The following EXOC4 variants were observed in gnomAD, a reference collection of about 807,000 sequenced individuals.
EXOC4 encodes SEC8-like 1.
Under a neutral mutation model 107.2 loss-of-function variants are expected in EXOC4, and 71 were observed. The ratio of observed to expected loss-of-function variants is 0.66; its 90% CI spans 0.55 to 0.81. The LOEUF is 0.81. Ranked by LOEUF, EXOC4 falls within the 30% of genes least tolerant of loss-of-function variation. The probability of loss-of-function intolerance (pLI) is 0.00; values close to 1 mark genes in which losing one functional copy is unlikely to be tolerated. For synonymous variants in EXOC4, 456 were observed against 441.2 expected, an observed-to-expected ratio of 1.03 and a Z score of -0.42; for missense variants, 1,108 against 1,189.6, an observed-to-expected ratio of 0.93 and a Z score of 1.01.
intron 14 of EXOC4, among the ~76,000 whole-genome samples, chr7:133,950,175 C>T (rs1226569955): frequency 6.6e-6 from 1 of 152,062 alleles, no homozygotes; most frequent in Admixed American, 6.6e-5. Context: ...ATAGAACCTC[C>T]AAAAGGTGGT....
intron 7 of EXOC4, among the ~76,000 whole-genome samples, chr7:133,375,579 A>G (rs1372212454): frequency 6.6e-6 from 1 of 152,184 alleles, no homozygotes; most frequent in Non-Finnish European, 1.5e-5. Flanking sequence ...AGTATACTTT[A>G]CTTGACTGGA....
chr7:133,796,831 C>T (rs1309079592), intron 10 of EXOC4, among the ~76,000 whole-genome samples: 1 of 152,130 alleles, frequency 6.6e-6, no homozygotes, highest in Non-Finnish European at 1.5e-5. Flanking sequence ...ATCGAAGGCT[C>T]CTTCCCCAGT....
chr7:133,538,334 A>C (rs1486881529), intron 9 of EXOC4, among the ~76,000 whole-genome samples: 1 of 151,964 alleles, frequency 6.6e-6, no homozygotes, highest in Non-Finnish European at 1.5e-5. Context: ...GTTTCCCTTT[A>C]TTTGCTGTTA....
chr7:133,474,930 G>T (rs1798975592), intron 7 of EXOC4, among the ~76,000 whole-genome samples: 1 of 152,140 alleles, frequency 6.6e-6, no homozygotes, highest in African/African-American at 2.4e-5. Flanking sequence ...GGATTAGCAT[G>T]TTGCCTGCAT....
At chr7:133,453,850 C>T (rs1195474928) in intron 7 of EXOC4, among the ~76,000 whole-genome samples, 1 of 152,030 alleles carries the variant, frequency 6.6e-6, no homozygotes, top group Non-Finnish European at 1.5e-5. Flanking sequence ...AAGTGCATAA[C>T]TTTATTGTGA....
intron 17 of EXOC4, among the ~76,000 whole-genome samples, chr7:134,041,010 A>G (rs1057468882): frequency 1.8e-4 from 27 of 152,194 alleles, no homozygotes; most frequent in African/African-American, 6.0e-4. Context: ...CGAACCATGC[A>G]TTTTCCTTCC....
intron 7 of EXOC4, among the ~76,000 whole-genome samples, chr7:133,425,550 G>A (rs1341429869): frequency 2.6e-5 from 4 of 152,090 alleles, no homozygotes; most frequent in Non-Finnish European, 4.4e-5. Flanking sequence ...GCCTCCCAAA[G>A]TGCTGGGATT....
chr7:133,469,055 T>C (rs1798804863), intron 7 of EXOC4, among the ~76,000 whole-genome samples: 1 of 152,166 alleles, frequency 6.6e-6, no homozygotes, highest in African/African-American at 2.4e-5. Flanking sequence ...CAGTCTATTA[T>C]CAGACTCATC....
intron 9 of EXOC4, among the ~76,000 whole-genome samples, chr7:133,610,660 C>A (rs1802055819): frequency 6.6e-6 from 1 of 152,074 alleles, no homozygotes. Context: ...AAATCTTAAA[C>A]CTGCTTTCCT....
At chr7:133,781,747 C>T (rs758169598) in intron 10 of EXOC4, among the ~76,000 whole-genome samples, 1 of 152,186 alleles carries the variant, frequency 6.6e-6, no homozygotes, top group African/African-American at 2.4e-5. Flanking sequence ...AGTGACTCAT[C>T]ATGATCACTG....
intron 11 of EXOC4, among the ~76,000 whole-genome samples, chr7:133,843,099 T>C (rs1383920302): frequency 6.6e-6 from 1 of 152,248 alleles, no homozygotes; most frequent in Non-Finnish European, 1.5e-5. Flanking sequence ...TTGGGTATTG[T>C]GATGCCTCCA....
chr7:133,607,107 T>G (rs545194041), intron 9 of EXOC4, among the ~76,000 whole-genome samples: 49 of 152,326 alleles, frequency 3.2e-4, no homozygotes, highest in Non-Finnish European at 6.5e-4. Context: ...TTTACAATAG[T>G]GAGGATATGT....
chr7:133,565,576 A>T (rs1249714456), intron 9 of EXOC4, among the ~76,000 whole-genome samples: 1 of 152,208 alleles, frequency 6.6e-6, no homozygotes, highest in Non-Finnish European at 1.5e-5. Context: ...TAAAATACAG[A>T]TGCCCAATTA....
intron 10 of EXOC4, among the ~76,000 whole-genome samples, chr7:133,636,590 A>C (rs1802717995): frequency 6.6e-6 from 1 of 152,216 alleles, no homozygotes; most frequent in African/African-American, 2.4e-5. Context: ...TCTTGTAGTG[A>C]CATGGCAGAG....
intron 11 of EXOC4, among the ~76,000 whole-genome samples, chr7:133,853,846 C>T (rs1458129673): frequency 1.3e-5 from 2 of 152,212 alleles, no homozygotes; most frequent in African/African-American, 4.8e-5. Context: ...TTGCTGGTTC[C>T]TGTAAGCCGA....
At chr7:133,258,252 C>T (rs1429322800) in intron 1 of EXOC4, among the ~76,000 whole-genome samples, 3 of 152,176 alleles carry the variant, frequency 2.0e-5, no homozygotes, top group African/African-American at 7.2e-5. Context: ...GAATTAGTGT[C>T]GTGGACCCAT....
chr7:133,994,335 G>T (rs2116263046), intron 14 of EXOC4, among the ~76,000 whole-genome samples: 1 of 152,240 alleles, frequency 6.6e-6, no homozygotes, highest in South Asian at 2.1e-4. Context: ...TGGCATATAT[G>T]CACCATGCCT....
At chr7:133,994,445 C>T (rs911594065) in intron 14 of EXOC4, among the ~76,000 whole-genome samples, 1 of 152,090 alleles carries the variant, frequency 6.6e-6, no homozygotes, top group Non-Finnish European at 1.5e-5. Flanking sequence ...TGCAGCAAAC[C>T]ACAATGGCGC....
downstream of EXOC4, among the ~76,000 whole-genome samples, chr7:134,068,066 C>G (rs1796210760): frequency 6.6e-6 from 1 of 152,208 alleles, no homozygotes; most frequent in African/African-American, 2.4e-5. Flanking sequence ...ATGTCCAGAT[C>G]AGCTCAAGTT....
Sources: allele counts gnomAD v4.1 joint callset (sites outside exome capture counted in the v4.1 genomes callset), GRCh38; gene constraint gnomAD v4.1.1; transcripts MANE v1.5; gene names NCBI Gene and HGNC (gene_info 2026-07-23, HGNC 2026-07-21).